The following EVI5 variants were observed in gnomAD, a reference collection of about 807,000 sequenced individuals.
The protein encoded by EVI5 is ecotropic viral integration site 5 protein homolog.
A neutral mutation model predicts 112.0 loss-of-function variants in EVI5; 73 were observed. The observed-to-expected ratio is 0.65, with a 90% CI of 0.54 to 0.79. The LOEUF (loss-of-function observed/expected upper bound fraction) is 0.79, where lower values mean the gene tolerates loss of function less well. Ranked by LOEUF, EVI5 falls within the 30% of genes least tolerant of loss-of-function variation. The pLI, the probability that EVI5 is intolerant of heterozygous loss-of-function variation, is 0.00. For synonymous variants in EVI5, 305 were observed against 319.9 expected (o/e 0.95, Z 0.50); for missense variants, 900 against 968.8 (o/e 0.93, Z 0.94).
At chr1:92,685,003 G>A (rs1668267072) in intron 9 of EVI5, among the ~76,000 whole-genome samples, 1 of 151,888 alleles carries the variant, frequency 6.6e-6, no homozygotes, top group Admixed American at 6.6e-5. Context: ...CAACAAGACA[G>A]AAGGTTAACA....
intron 19 of EVI5, among the ~76,000 whole-genome samples, chr1:92,557,897 GTATT>G (rs59677545): frequency 6.7e-6 from 1 of 148,564 alleles, no homozygotes; most frequent in Non-Finnish European, 1.5e-5. Flanking sequence ...GCCAATTTTT[GTATT>G]TATTTATTTA....
At chr1:92,552,122 G>GAAA (rs143454054) in intron 19 of EVI5, among the ~76,000 whole-genome samples, 1 of 123,158 alleles carries the variant, frequency 8.1e-6, no homozygotes, top group African/African-American at 3.1e-5. Context: ...GGGCTGTAGG[G>GAAA]AAAAAAAAAA....
At chr1:92,615,339 C>T (rs1652888148) in intron 16 of EVI5, among the ~76,000 whole-genome samples, 1 of 152,152 alleles carries the variant, frequency 6.6e-6, no homozygotes, top group Non-Finnish European at 1.5e-5. Flanking sequence ...AGATACTACG[C>T]CTCAAATCTG....
chr1:92,553,183 C>G (rs778074217), intron 19 of EVI5, among the ~76,000 whole-genome samples: 1 of 151,056 alleles, frequency 6.6e-6, no homozygotes, highest in African/African-American at 2.4e-5. Flanking sequence ...CAGGCTGGAA[C>G]GCAGTGGTAC....
chr1:92,561,622 T>C (rs908392941), intron 19 of EVI5, among the ~76,000 whole-genome samples: 7 of 140,628 alleles, frequency 5.0e-5, no homozygotes, highest in Non-Finnish European at 1.1e-4. Context: ...TCTATCTATC[T>C]ATCTATCTAT....
intron 1 of EVI5, chr1:92,755,794 A>C (rs940274937): frequency 6.5e-6 from 1 of 154,064 alleles, no homozygotes; most frequent in South Asian, 2.0e-4. Flanking sequence ...GTCTGGCTGC[A>C]TGCACCTCAG....
Position 92,785,021 on chromosome 1 carries a change from C to T in EVI5, c.-267G>A, listed in dbSNP as rs568972559. ...CGCGACCCTCACCTACCCCTCCCGG[C>T]ACCGCCGCTGTCGGAACTGCAGCCA... On this transcript the variant is annotated 5_prime_UTR_variant, in exon 1 of 20. Coordinates refer to ENST00000684568, the MANE Select transcript of EVI5 (RefSeq NM_001350197.2). The T allele has an allele frequency of 4.0e-5, 39 of 985,484 alleles. No homozygotes were observed. The highest frequency in any genetic ancestry group is 4.7e-5 in the Non-Finnish European group (39 of 830,100). 61.0% of individuals were successfully genotyped at this position (985,484 alleles called of 1,614,324 possible). A position where few individuals can be genotyped will look rare whatever the true frequency, so the allele number is the denominator to read the frequency against.
At chr1:92,786,599 G>C (rs1456405240), upstream of EVI5, among the ~76,000 whole-genome samples, 2 of 152,146 alleles carry the variant, frequency 1.3e-5, no homozygotes, top group African/African-American at 4.8e-5. Flanking sequence ...CCTGGGGAGT[G>C]GGGGTGGAGG....
At chr1:92,739,667 T>C (rs1678048309) in intron 1 of EVI5, among the ~76,000 whole-genome samples, 2 of 152,118 alleles carry the variant, frequency 1.3e-5, no homozygotes, top group Non-Finnish European at 2.9e-5. Context: ...CAATCTCCCA[T>C]GAGAAACAGA....
At chr1:92,527,414 C>CG (rs1553169652) in intron 19 of EVI5, among the ~76,000 whole-genome samples, 24 of 18,676 alleles carry the variant, frequency 1.3e-3, no homozygotes, top group African/African-American at 4.9e-3. Context: ...GACACTGTCT[C>CG]AAAAAAAAAA....
At chr1:92,551,040 C>CTTTTTTTTTTTTTTTT (rs55898086) in intron 19 of EVI5, among the ~76,000 whole-genome samples, 27 of 80,694 alleles carry the variant, frequency 3.3e-4, no homozygotes, top group South Asian at 5.1e-4. Flanking sequence ...TTCTTTCTTT[C>CTTTTTTTTTTTTTTTT]TTTTTTTTTT....
chr1:92,785,275 C>G (rs546492421), upstream of EVI5, among the ~76,000 whole-genome samples: 1 of 152,238 alleles, frequency 6.6e-6, no homozygotes, highest in East Asian at 1.9e-4. Flanking sequence ...GCCTCTCTTT[C>G]AAAGCACCAG....
intron 19 of EVI5, among the ~76,000 whole-genome samples, chr1:92,530,945 T>C (rs1024442390): frequency 1.3e-4 from 20 of 151,884 alleles, no homozygotes; most frequent in Non-Finnish European, 2.8e-4. Context: ...GTCTGACGAA[T>C]TGACAGAAGT....
intron 1 of EVI5, among the ~76,000 whole-genome samples, chr1:92,739,206 G>A (rs1439754619): frequency 6.8e-6 from 1 of 146,688 alleles, no homozygotes. Flanking sequence ...CCGAGAGGCA[G>A]AGGTTGCAAT....
intron 1 of EVI5, among the ~76,000 whole-genome samples, chr1:92,762,761 T>G (rs1682069443): frequency 6.6e-6 from 1 of 152,132 alleles, no homozygotes; most frequent in Admixed American, 6.6e-5. Context: ...TAGACTATAC[T>G]TAATCTTTTT....
At chr1:92,557,593 A>C (rs4847377) in intron 19 of EVI5, among the ~76,000 whole-genome samples, 129,577 of 152,118 alleles carry the variant, frequency 0.85, 55,563 homozygotes, top group East Asian at 0.97. Flanking sequence ...GCCACCATGA[A>C]GGGCTGTTTC....
chr1:92,510,057 C>G lies in EVI5; in HGVS notation c.*3599G>C, dbSNP rs1659099237. 1 of 152,164 alleles carries G rather than the reference C, an allele frequency of 6.6e-6. No individual in the cohort carries two copies. Among genetic ancestry groups the G allele is most frequent in the African/African-American group, 2.4e-5 (1 of 41,440 alleles). The allele number at this position is 152,164 out of a possible 1,614,324, so 9.4% of individuals were successfully genotyped here. A position where few individuals can be genotyped will look rare whatever the true frequency, so the allele number is the denominator to read the frequency against. On this transcript the variant is annotated 3_prime_UTR_variant, in exon 20 of 20. Transcript: ENST00000684568. The stretch of plus-strand genomic sequence containing the variant: ...TCCTAAAGGCCTGGGAGATTTTAAA[C>G]TCTTCTAAGGTGTATTTGAATCAGA...
At chr1:92,593,342 A>AG (rs1297143197) in intron 18 of EVI5, among the ~76,000 whole-genome samples, 1 of 152,238 alleles carries the variant, frequency 6.6e-6, no homozygotes, top group Non-Finnish European at 1.5e-5. Flanking sequence ...CATAAGATGC[A>AG]GAAAAGGCCT....
intron 2 of EVI5, among the ~76,000 whole-genome samples, chr1:92,708,086 G>A (rs1208399695): frequency 2.6e-5 from 4 of 152,038 alleles, no homozygotes; most frequent in Admixed American, 2.6e-4. Flanking sequence ...TCATGACTTT[G>A]AGTTAGGTAA....
Sources: allele counts gnomAD v4.1 joint callset (sites outside exome capture counted in the v4.1 genomes callset), GRCh38; gene constraint gnomAD v4.1.1; transcripts MANE v1.5; gene names NCBI Gene and HGNC (gene_info 2026-07-23, HGNC 2026-07-21).